The following EVX1 variants were observed in gnomAD, a reference collection of about 807,000 sequenced individuals.
EVX1 encodes the protein even-skipped homeobox 1.
Under a neutral mutation model 28.6 loss-of-function variants are expected in EVX1, and 19 were observed. The observed-to-expected ratio is 0.67, with a 90% CI of 0.46 to 0.98. The LOEUF (loss-of-function observed/expected upper bound fraction) is 0.98. Ranked by LOEUF, EVX1 falls within the 50% of genes least tolerant of loss-of-function variation. The pLI is 0.00. For missense variants in EVX1, 660 were observed against 583.0 expected (o/e 1.13, Z -1.36); for synonymous variants, 324 against 278.2 (o/e 1.16, Z -1.64).
At position 27,247,095 on chromosome 7, in the gene EVX1, T is replaced by C. The variant is rs570103473; in HGVS notation, c.*670T>C. 3 of 152,398 alleles carry C rather than the reference T, an allele frequency of 2.0e-5. No homozygotes were observed. Among genetic ancestry groups the C allele is most frequent in the African/African-American group, 7.2e-5 (3 of 41,570 alleles). 9.4% of individuals were successfully genotyped at this position (152,398 alleles called of 1,614,324 possible). The stretch of plus-strand genomic sequence containing the variant: ...GCCAGCACCTGATCTCTTTCCTCAT[T>C]CCCAGCTTTGTGACACTTCTCAACT... On this transcript the variant is annotated 3_prime_UTR_variant, in exon 3 of 3. Coordinates refer to ENST00000496902, the MANE Select transcript of EVX1 (RefSeq NM_001989.5).
intron 1 of EVX1, chr7:27,243,909 C>G (rs1783097152): frequency 6.4e-6 from 1 of 155,422 alleles, no homozygotes; most frequent in Non-Finnish European, 1.4e-5. Flanking sequence ...TTGGGCAGCC[C>G]GGGTGCTGCA....
rs1484740740 is a variant in EVX1, at chr7:27,247,035, C to G, written c.*610C>G. Reference sequence around the variant, plus strand: ...CAGCCCCTTGGCATGGGACCTGGAGCCTCGACTACACAGCATCTTCTGGGT... The same window carrying G: ...CAGCCCCTTGGCATGGGACCTGGAGGCTCGACTACACAGCATCTTCTGGGT... On this transcript the variant is annotated 3_prime_UTR_variant, in exon 3 of 3. Transcript: ENST00000496902. The G allele has an allele frequency of 1.3e-5, 2 of 152,410 alleles. No homozygotes were observed. The highest frequency in any genetic ancestry group is 4.8e-5 in the African/African-American group (2 of 41,440). 9.4% of individuals were successfully genotyped at this position (152,410 alleles called of 1,614,324 possible).
In EVX1 at chr7:27,246,049, C is replaced by T. The variant is rs750616964; in HGVS notation, c.848C>T (p.Ser283Leu). ...FPSHLPLPYYSPVGLGAASAA... is the reference protein window; with the variant it reads ...FPSHLPLPYYLPVGLGAASAA... Reference sequence around the variant, plus strand: ...TCGCACCTGCCCCTGCCCTACTACTCGCCGGTGGGCCTGGGCGCCGCATCC... The same window carrying T: ...TCGCACCTGCCCCTGCCCTACTACTTGCCGGTGGGCCTGGGCGCCGCATCC... Residue 283 changes from serine (S) to leucine (L), a missense_variant, in exon 3 of 3, where the codon TCG becomes TTG. Physicochemically the swap from Ser to Leu is moderately radical, Grantham distance 145. This residue lies in a region of EVX1 where 299 missense variants were observed against 241.3 expected (regional missense o/e 1.24). Coordinates refer to ENST00000496902, the MANE Select transcript of EVX1 (RefSeq NM_001989.5). The T allele has an allele frequency of 1.3e-6, 2 of 1,589,256 alleles. No homozygotes were observed. Among genetic ancestry groups the T allele is most frequent in the Non-Finnish European group, 1.7e-6 (2 of 1,175,518 alleles).
rs1783202135 is a variant in EVX1, at chr7:27,246,682, C to T, written c.*257C>T. ...AGAGACCTTCCTCCGGGGCAGCCTC[C>T]GGACCCACCGCCCCCCACCAGGGTC... On this transcript the variant is annotated 3_prime_UTR_variant, in exon 3 of 3. Transcript: ENST00000496902. 7 of 507,198 alleles carry T rather than the reference C, an allele frequency of 1.4e-5. No homozygotes were observed. The South Asian group carries it at 1.9e-4, about 14-fold the overall frequency. The allele number at this position is 507,198 out of a possible 1,614,324, so 31.4% of individuals were successfully genotyped here.
rs778248979 is a variant in EVX1, at chr7:27,243,320, C to T, written c.290C>T (p.Pro97Leu). 1 of 1,583,896 alleles carries T rather than the reference C, an allele frequency of 6.3e-7. No homozygotes were observed. The change falls in exon 1 of 3, where the codon CCG becomes CTG. Residue 97 changes from proline to leucine, a missense_variant. By Grantham distance (98) the Pro-to-Leu change is moderately conservative. Around this residue, in one of 3 missense-constraint regions of EVX1, gnomAD observed 308 missense variants for 256.6 expected, o/e 1.20. Transcript: ENST00000496902. The stretch of plus-strand genomic sequence containing the variant: ...GCGGCCATGCTCGGCCCAGGACCCC[C>T]GGCCCCCTCAGTCGACAGCCTCTCC... ...AGAAMLGPGPPAPSVDSLSGQ... is the reference protein window; with the variant it reads ...AGAAMLGPGPLAPSVDSLSGQ...
At chr7:27,244,780 A>G (rs1783124408) in intron 1 of EVX1, among the ~76,000 whole-genome samples, 1 of 152,176 alleles carries the variant, frequency 6.6e-6, no homozygotes, top group Non-Finnish European at 1.5e-5. Context: ...GGCAGGTGGG[A>G]AGGGCGGCTG....
Position 27,243,073 on chromosome 7 carries a change from C to T in EVX1, c.43C>T (p.Gln15Ter), listed in dbSNP as rs752070689. 1 of 1,611,116 alleles carries T rather than the reference C, an allele frequency of 6.2e-7. No homozygotes were observed. The highest frequency in any genetic ancestry group is 1.1e-5 in the South Asian group (1 of 90,442). Residue 15 changes from glutamine to a stop codon, truncating the protein, a stop_gained, in exon 1 of 3, where the codon CAG becomes TAG. Transcript: ENST00000496902. LOFTEE classifies it high-confidence loss of function. ...CATGGTTGTGTTTCTGGATGGGGGTCAGCTTGGCACTCTGGTTGGCAAGAG... is the reference window on the plus strand; with the variant it reads ...CATGGTTGTGTTTCTGGATGGGGGTTAGCTTGGCACTCTGGTTGGCAAGAG... ...KDMVVFLDGG[Q>*]LGTLVGKRVS...
At chr7:27,245,518 G>A (rs1033731734) in intron 2 of EVX1, among the ~76,000 whole-genome samples, 3 of 152,228 alleles carry the variant, frequency 2.0e-5, no homozygotes, top group African/African-American at 7.2e-5. Context: ...AGGGGTGGGC[G>A]TGGGGGAAGG....
At chr7:27,244,372 C>T (rs17501836) in intron 1 of EVX1, 32 of 318,666 alleles carry the variant, frequency 1.0e-4, no homozygotes, top group Non-Finnish European at 1.3e-4. Context: ...AGCCTGGGGG[C>T]GGGGGGGAGA....
rs1426800636 is a variant in EVX1, at chr7:27,246,234, G to A, written c.1033G>A (p.Gly345Ser). ...GCACGGACTGGGCGCCTCTGCCGGC[G>A]GCCCCTGCTCCTGCCTCGCCTGTCA... ...PAHGLGASAG[G>S]PCSCLACHSG... Residue 345 changes from glycine (G) to serine (S), a missense_variant, in exon 3 of 3, where the codon GGC (glycine) becomes AGC (serine). Physicochemically the swap from Gly to Ser is moderately conservative, Grantham distance 56. Around this residue, in one of 3 missense-constraint regions of EVX1, gnomAD observed 299 missense variants for 241.3 expected, o/e 1.24. Transcript: ENST00000496902. 9 of 1,520,572 alleles carry A rather than the reference G, an allele frequency of 5.9e-6. No individual in the cohort carries two copies. Among genetic ancestry groups the A allele is most frequent in the Non-Finnish European group, 7.9e-6 (9 of 1,143,006 alleles). The allele number at this position is 1,520,572 out of a possible 1,614,324, so 94.2% of individuals were successfully genotyped here.
At position 27,246,577 on chromosome 7, in the gene EVX1, C is replaced by A; in HGVS notation, c.*152C>A. On this transcript the variant is annotated 3_prime_UTR_variant, in exon 3 of 3. Transcript: ENST00000496902. The stretch of plus-strand genomic sequence containing the variant: ...CGGAAAAGGACCAGCGGGATCCGGC[C>A]GCAAGAATTGGAAAGCCTAGGAAGT... 2 of 830,810 alleles carry A rather than the reference C, an allele frequency of 2.4e-6. No homozygotes were observed. The highest frequency in any genetic ancestry group is 1.8e-6 in the Non-Finnish European group (1 of 554,668). 51.5% of individuals were successfully genotyped at this position (830,810 alleles called of 1,614,324 possible).
chr7:27,246,798 A>C lies in EVX1; in HGVS notation c.*373A>C. ...CCCTCGGCCCCTCACCCTCCACCTC[A>C]CACTCCCTTCTCACCGGGCCCCCTC... is the stretch of plus-strand genomic sequence containing the variant. On this transcript the variant is annotated 3_prime_UTR_variant, in exon 3 of 3. Coordinates refer to ENST00000496902, the MANE Select transcript of EVX1 (RefSeq NM_001989.5). 4 of 289,086 alleles carry C rather than the reference A, an allele frequency of 1.4e-5. No individual in the cohort carries two copies. Among genetic ancestry groups the C allele is most frequent in the Non-Finnish European group, 1.3e-5 (2 of 155,986 alleles). 17.9% of individuals were successfully genotyped at this position (289,086 alleles called of 1,614,324 possible). A position where few individuals can be genotyped will look rare whatever the true frequency, so the allele number is the denominator to read the frequency against.
In EVX1 at chr7:27,243,055, G is replaced by A; in HGVS notation, c.25G>A (p.Val9Met). ...GATGGAGAGCCGAAAGGACATGGTTGTGTTTCTGGATGGGGGTCAGCTTGG... is the reference window on the plus strand; with the variant it reads ...GATGGAGAGCCGAAAGGACATGGTTATGTTTCTGGATGGGGGTCAGCTTGG... MESRKDMV[V>M]FLDGGQLGTL... The change falls in exon 1 of 3, where the codon GTG becomes ATG. Residue 9 changes from valine (V) to methionine (M), a missense_variant. Physicochemically the swap from Val to Met is conservative, Grantham distance 21. Transcript: ENST00000496902. 6.2e-7 allele frequency: 1 copy of A among 1,607,648 alleles called. No homozygotes were observed. The highest frequency in any genetic ancestry group is 8.5e-7 in the Non-Finnish European group (1 of 1,177,068).
rs773254979 is a variant in EVX1, at chr7:27,246,670, C to T, written c.*245C>T. The T allele has an allele frequency of 9.5e-6, 5 of 523,640 alleles. No individual in the cohort carries two copies. The highest frequency in any genetic ancestry group is 4.1e-5 in the African/African-American group (2 of 49,116). 32.4% of individuals were successfully genotyped at this position (523,640 alleles called of 1,614,324 possible). ...AAGCAGAGCTTGAGAGACCTTCCTC[C>T]GGGGCAGCCTCCGGACCCACCGCCC... On this transcript the variant is annotated 3_prime_UTR_variant, in exon 3 of 3. Transcript: ENST00000496902.
At position 27,243,120 on chromosome 7, in the gene EVX1, C is replaced by T. The variant is rs1485020103; in HGVS notation, c.90C>T (p.Ala30=). The part of the protein sequence containing the change: ...VGKRVSNLSE[A]VGSPLPEPPE... ...AGAGAGTCTCAAATTTGTCCGAAGC[C>T]GTGGGCAGCCCGCTGCCGGAGCCGC... The change falls in exon 1 of 3, where the codon GCC becomes GCT. Residue 30 remains alanine, a synonymous_variant. Coordinates refer to ENST00000496902, the MANE Select transcript of EVX1 (RefSeq NM_001989.5). 5 of 1,610,978 alleles carry T rather than the reference C, an allele frequency of 3.1e-6. No individual in the cohort carries two copies. In the Admixed American group the frequency reaches 6.7e-5, roughly 22 times the overall value.
chr7:27,245,073 C>T lies in EVX1; in HGVS notation c.453C>T (p.Gly151=). The change falls in exon 2 of 3, where the codon GGC becomes GGT. Residue 151 remains glycine, a synonymous_variant. Transcript: ENST00000496902. The part of the protein sequence containing the change: ...SKGSGSEALV[G]SPNGGSETPK... The stretch of plus-strand genomic sequence containing the variant: ...GGTCCGGCTCCGAGGCGCTGGTCGG[C>T]AGTCCGAACGGAGGGAGCGAGACCC... 1 of 1,612,004 alleles carries T rather than the reference C, an allele frequency of 6.2e-7. No homozygotes were observed. Among genetic ancestry groups the T allele is most frequent in the South Asian group, 1.1e-5 (1 of 91,038 alleles).
At chr7:27,244,399 C>A in intron 1 of EVX1, 1 of 696,998 alleles carries the variant, frequency 1.4e-6, no homozygotes, top group Non-Finnish European at 1.8e-6. Flanking sequence ...ACCCCCTGGT[C>A]TTGGCAGCCA....
intron 2 of EVX1, among the ~76,000 whole-genome samples, chr7:27,245,655 G>A (rs1410088717): frequency 6.6e-6 from 1 of 152,074 alleles, no homozygotes; most frequent in African/African-American, 2.4e-5. Flanking sequence ...CACCCCGGGG[G>A]CCTGGCCACC....
chr7:27,245,269 G>C lies in EVX1; in HGVS notation c.649G>C (p.Ala217Pro). 4 of 1,613,420 alleles carry C rather than the reference G, an allele frequency of 2.5e-6. No individual in the cohort carries two copies. Among genetic ancestry groups the C allele is most frequent in the Non-Finnish European group, 3.4e-6 (4 of 1,180,048 alleles). ...YVSRPRRCEL[A>P]AALNLPETTI... ...ATCCAGGCCGCGGAGATGTGAGCTG[G>C]CGGCCGCCCTAAACCTGCCGGAAAC... is the stretch of plus-strand genomic sequence containing the variant. The change falls in exon 2 of 3, where the codon GCG becomes CCG. Residue 217 changes from alanine (A) to proline (P), a missense_variant. Coordinates refer to ENST00000496902, the MANE Select transcript of EVX1 (RefSeq NM_001989.5).
Sources: gnomAD v4.1 joint callset for allele counts (sites outside exome capture counted in the v4.1 genomes callset) on GRCh38, gnomAD v4.1.1 for gene constraint, gnomAD v4.1.1 regional missense constraint, MANE v1.5 for transcripts, NCBI Gene and HGNC (gene_info 2026-07-23, HGNC 2026-07-21) for gene names.